SNX8: variants seen among roughly 807,000 people sequenced by gnomAD.
SNX8 encodes the protein sorting nexin-8.
Under a neutral mutation model 51.6 loss-of-function variants are expected in SNX8, and 25 were observed. The observed-to-expected ratio is 0.48, with a 90% CI of 0.35 to 0.68. SNX8 has a LOEUF of 0.68. SNX8 is among the 30% of genes least tolerant of loss of function. The pLI is 0.00. For missense variants in SNX8, 695 were observed against 624.0 expected, an observed-to-expected ratio of 1.11 and a Z score of -1.21; for synonymous variants, 324 against 277.0, an observed-to-expected ratio of 1.17 and a Z score of -1.68.
At chr7:2,352,844 A>T (rs917132229) in intron 1 of SNX8, among the ~76,000 whole-genome samples, 3 of 152,134 alleles carry the variant, frequency 2.0e-5, no homozygotes, top group Admixed American at 6.6e-5. Flanking sequence ...TAAATAAAAA[A>T]AAAAAAAATT....
chr7:2,310,036 A>G (rs1796630335), intron 1 of SNX8: 1 of 372,266 alleles, frequency 2.7e-6, no homozygotes. Flanking sequence ...ATGAGCCGCA[A>G]GTGAAGCGTG....
intron 1 of SNX8, among the ~76,000 whole-genome samples, chr7:2,289,031 C>T (rs1183970606): frequency 6.6e-6 from 1 of 152,186 alleles, no homozygotes; most frequent in African/African-American, 2.4e-5. Flanking sequence ...GCCTCTGCAC[C>T]TGGCTTGTTT....
intron 5 of SNX8, among the ~76,000 whole-genome samples, chr7:2,267,382 G>C (rs1016083366): frequency 3.1e-5 from 4 of 128,262 alleles, no homozygotes; most frequent in Non-Finnish European, 6.5e-5. Flanking sequence ...AGCCGAAGCT[G>C]GACTGTACTG....
chr7:2,308,479 T>A (rs1796594373), intron 1 of SNX8, among the ~76,000 whole-genome samples: 1 of 151,378 alleles, frequency 6.6e-6, no homozygotes, highest in Non-Finnish European at 1.5e-5. Context: ...ACCAGCCTGG[T>A]CAACATGGTA....
At chr7:2,294,344 G>C (rs1261448650) in intron 1 of SNX8, among the ~76,000 whole-genome samples, 1 of 152,030 alleles carries the variant, frequency 6.6e-6, no homozygotes, top group Admixed American at 6.6e-5. Flanking sequence ...CCACCACAAT[G>C]GCTATAATCA....
intron 1 of SNX8, among the ~76,000 whole-genome samples, chr7:2,323,047 G>A (rs796393321): frequency 6.6e-6 from 1 of 150,544 alleles, no homozygotes; most frequent in Non-Finnish European, 1.5e-5. Context: ...TAAATGGTGT[G>A]GGCCAGGCAT....
intron 1 of SNX8, among the ~76,000 whole-genome samples, chr7:2,293,911 A>C (rs916517560): frequency 2.0e-5 from 3 of 151,770 alleles, no homozygotes; most frequent in African/African-American, 7.3e-5. Flanking sequence ...GGTTGCAGTG[A>C]GCCGAGATCA....
rs1422766231 is a variant in SNX8, at chr7:2,252,737, CT to C, written c.*2318del. ...CTCTCCTCACCCCTGCCCTCTTGCT[CT>C]CTCCTCACCCCTGCCCTCCTGCTCC... On this transcript the variant is annotated 3_prime_UTR_variant, in exon 11 of 11. Coordinates refer to ENST00000222990, the MANE Select transcript of SNX8 (RefSeq NM_013321.4). 8.4e-6 allele frequency: 1 copy of C among 118,884 alleles called. No homozygotes were observed. Among genetic ancestry groups the C allele is most frequent in the Non-Finnish European group, 1.7e-5 (1 of 57,214 alleles). 7.4% of individuals were successfully genotyped at this position (118,884 alleles called of 1,614,324 possible). A position where few individuals can be genotyped will look rare whatever the true frequency, so the allele number is the denominator to read the frequency against.
chr7:2,258,708 G>C (rs556683625), intron 7 of SNX8, among the ~76,000 whole-genome samples: 1 of 152,264 alleles, frequency 6.6e-6, no homozygotes, highest in South Asian at 2.1e-4. Flanking sequence ...TCCAGGAAGA[G>C]AGGCGGCCGC....
chr7:2,269,426 T>G (rs1194944990), intron 5 of SNX8, 133 bp downstream of exon 5: 47 of 448,524 alleles, frequency 1.0e-4, no homozygotes, highest in Admixed American at 9.0e-4. Context: ...CTTTGTTCAC[T>G]TGTTTATCTG....
chr7:2,275,247 G>A lies in SNX8; in HGVS notation c.301-18C>T, dbSNP rs568979540. 2 of 1,560,636 alleles carry A rather than the reference G, an allele frequency of 1.3e-6. No homozygotes were observed. Among genetic ancestry groups the A allele is most frequent in the Non-Finnish European group, 1.8e-6 (2 of 1,131,494 alleles). Reference sequence around the variant, plus strand: ...TTGAAGCGCTGCAAGAGAAGGGTCGGTGCTTAGATCCGACGTTGGAAACTA... The same window carrying A: ...TTGAAGCGCTGCAAGAGAAGGGTCGATGCTTAGATCCGACGTTGGAAACTA... On this transcript the variant is annotated intron_variant, in intron 2 of 10. Coordinates refer to ENST00000222990, the MANE Select transcript of SNX8 (RefSeq NM_013321.4).
chr7:2,273,901 G>GT (rs1795710976), intron 3 of SNX8, among the ~76,000 whole-genome samples: 1 of 144,756 alleles, frequency 6.9e-6, no homozygotes, highest in Non-Finnish European at 1.5e-5. Context: ...GAGACTCCAT[G>GT]TAAAAAAAAA....
At chr7:2,255,225 C>A (rs556113703) in intron 10 of SNX8, 56 bp from the exon 11 acceptor site, 5 of 1,126,870 alleles carry the variant, frequency 4.4e-6, no homozygotes, top group East Asian at 5.2e-5. Flanking sequence ...CTCCTCCTCA[C>A]GCTCTGATCC....
intron 1 of SNX8, among the ~76,000 whole-genome samples, chr7:2,329,188 T>C (rs951289259): frequency 6.7e-6 from 1 of 149,568 alleles, no homozygotes; most frequent in South Asian, 2.1e-4. Flanking sequence ...GGAGAATCGC[T>C]TGAACCCAGG....
At chr7:2,319,470 G>A (rs755809974) in intron 1 of SNX8, among the ~76,000 whole-genome samples, 12 of 150,278 alleles carry the variant, frequency 8.0e-5, no homozygotes, top group Non-Finnish European at 1.5e-4. Flanking sequence ...GACAAGCTTG[G>A]CCAACCATGG....
In SNX8 at chr7:2,314,408, G is replaced by T; in HGVS notation, c.14C>A (p.Ala5Glu). Reference protein sequence around the residue: MTGRAMDPLPAAAVG... With the variant: MTGREMDPLPAAAVG... The stretch of plus-strand genomic sequence containing the variant: ...TGCAGCCGCGGGCAGCGGGTCCATC[G>T]CGCGGCCAGTCATGTGAGCCCGCGC... The change falls in exon 1 of 11, where the codon GCG (alanine) becomes GAG (glutamate). Residue 5 changes from alanine to glutamate, a missense_variant. Coordinates refer to ENST00000222990, the MANE Select transcript of SNX8 (RefSeq NM_013321.4). 8.2e-7 allele frequency: 1 copy of T among 1,217,970 alleles called. No individual in the cohort carries two copies. Among genetic ancestry groups the T allele is most frequent in the East Asian group, 3.3e-5 (1 of 30,472 alleles). The allele number at this position is 1,217,970 out of a possible 1,614,324, so 75.4% of individuals were successfully genotyped here.
chr7:2,333,653 C>A (rs1366314146), intron 1 of SNX8, among the ~76,000 whole-genome samples: 1 of 152,042 alleles, frequency 6.6e-6, no homozygotes, highest in African/African-American at 2.4e-5. Flanking sequence ...GAACAGAAAG[C>A]CCAGAAATTA....
At chr7:2,324,718 C>T (rs77577199) in intron 1 of SNX8, among the ~76,000 whole-genome samples, 130 of 152,324 alleles carry the variant, frequency 8.5e-4, no homozygotes, top group African/African-American at 3.0e-3. Flanking sequence ...GAGCTGAGAT[C>T]CTAGCCTAGG....
intron 7 of SNX8, among the ~76,000 whole-genome samples, chr7:2,260,926 G>C (rs1795319618): frequency 6.6e-6 from 1 of 152,186 alleles, no homozygotes; most frequent in Non-Finnish European, 1.5e-5. Context: ...TGGAAATGCG[G>C]CATCCAGGGC....
Sources: gnomAD v4.1 joint callset for allele counts (sites outside exome capture counted in the v4.1 genomes callset) on GRCh38, gnomAD v4.1.1 for gene constraint, MANE v1.5 for transcripts, NCBI Gene and HGNC (gene_info 2026-07-23, HGNC 2026-07-21) for gene names.